The following MSH3 variants were observed in gnomAD, a reference collection of about 807,000 sequenced individuals.
MSH3 encodes mutS homolog 3.
MSH3 carries 106 observed loss-of-function variants against 123.3 expected under a neutral mutation model. The observed-to-expected ratio is 0.86, with a 90% CI of 0.73 to 1.01. MSH3 has a LOEUF of 1.01. Among genes scored for constraint, MSH3 ranks in the 50% least tolerant of loss-of-function variants. The pLI is 0.00. For missense variants in MSH3, 1,459 were observed against 1,347.6 expected, an observed-to-expected ratio of 1.08 and a Z score of -1.29; for synonymous variants, 515 against 481.4, an observed-to-expected ratio of 1.07 and a Z score of -0.91.
chr5:80,741,886 T>C (rs1743621547), intron 11 of MSH3, among the ~76,000 whole-genome samples: 1 of 152,194 alleles, frequency 6.6e-6, no homozygotes, highest in Non-Finnish European at 1.5e-5. Context: ...TATATTTTTC[T>C]ATACACCTTT....
At chr5:80,794,740 C>T (rs1437549636) in intron 19 of MSH3, among the ~76,000 whole-genome samples, 1 of 152,112 alleles carries the variant, frequency 6.6e-6, no homozygotes, top group East Asian at 1.9e-4. Flanking sequence ...TCTAAGATAA[C>T]AGCAAGATAT....
rs2112801662 is a variant in MSH3 at position 80,656,461 on chromosome 5, T to C, written c.288T>C (p.Pro96=). 1 of 1,614,192 alleles carries C rather than the reference T, an allele frequency of 6.2e-7. No homozygotes were observed. Among genetic ancestry groups the C allele is most frequent in the Non-Finnish European group, 8.5e-7 (1 of 1,180,028 alleles). The change falls in exon 2 of 24, where the codon CCT becomes CCC. Residue 96 remains proline (P), a synonymous_variant. Coordinates refer to ENST00000265081, the MANE Select transcript of MSH3 (RefSeq NM_002439.5). ...AGAGACCATTGGAAAATGATGGGCC[T>C]GTTAAAAAGAAAGTAAAGAAAGTCC... ...RKKRPLENDG[P]VKKKVKKVQQ...
intron 2 of MSH3, among the ~76,000 whole-genome samples, chr5:80,659,342 A>G (rs1337852266): frequency 6.6e-6 from 1 of 152,112 alleles, no homozygotes; most frequent in Non-Finnish European, 1.5e-5. Flanking sequence ...ATCAAAGTCA[A>G]TTTTAGAACA....
At chr5:80,837,290 G>A (rs245374) in intron 20 of MSH3, among the ~76,000 whole-genome samples, 107,111 of 152,120 alleles carry the variant, frequency 0.7, 37,727 homozygotes, top group South Asian at 0.8. Flanking sequence ...AGAATACTAG[G>A]GACAGGGGTC....
At chr5:80,668,801 C>T (rs146317223) in intron 3 of MSH3, among the ~76,000 whole-genome samples, 2 of 152,252 alleles carry the variant, frequency 1.3e-5, no homozygotes, top group South Asian at 4.1e-4. Flanking sequence ...TCCCAGCCCC[C>T]AAGAGCACAG....
Position 80,654,885 on chromosome 5 carries a change from C to T in MSH3, c.158C>T (p.Ala53Val). 2 of 851,894 alleles carry T rather than the reference C, an allele frequency of 2.3e-6. No homozygotes were observed. Among genetic ancestry groups the T allele is most frequent in the East Asian group, 2.7e-5 (1 of 36,558 alleles). The allele number at this position is 851,894 out of a possible 1,614,324, so 52.8% of individuals were successfully genotyped here. A position where few individuals can be genotyped will look rare whatever the true frequency, so the allele number is the denominator to read the frequency against. The change falls in exon 1 of 24, where the codon GCG becomes GTG. Residue 53 changes from alanine (A) to valine (V), a missense_variant. By Grantham distance (64) the Ala-to-Val change is moderately conservative. Coordinates refer to ENST00000265081, the MANE Select transcript of MSH3 (RefSeq NM_002439.5). ...GACCAGGTGGACCCTGGCGCTGCAG[C>T]GGCTGCAGCGGCCGCAGCGGCCGCA... Reference protein sequence around the residue: ...AADQVDPGAAAAAAAAAAAAP... With the variant: ...AADQVDPGAAVAAAAAAAAAP...
intron 11 of MSH3, among the ~76,000 whole-genome samples, chr5:80,744,194 T>C (rs1000453321): frequency 6.6e-6 from 1 of 152,216 alleles, no homozygotes; most frequent in Non-Finnish European, 1.5e-5. Context: ...TCTTCCTATG[T>C]TGTATTTCCC....
chr5:80,853,484 A>G (rs973858460), intron 20 of MSH3, among the ~76,000 whole-genome samples: 1 of 152,162 alleles, frequency 6.6e-6, no homozygotes, highest in Admixed American at 6.5e-5. Flanking sequence ...CAAAAAAAAA[A>G]AAGCACAATA....
chr5:80,771,780 T>C (rs1452984848), intron 15 of MSH3, among the ~76,000 whole-genome samples: 2 of 152,184 alleles, frequency 1.3e-5, no homozygotes, highest in African/African-American at 4.8e-5. Context: ...GTAAATCCAG[T>C]GTTATTTTGA....
rs6151779 is a variant in MSH3 at position 80,759,133 on chromosome 5, G to A, written c.1764-2413G>A. 5.8e-4 allele frequency among the ~76,000 whole-genome samples: 88 copies of A among 152,216 alleles called. 1 individual carries two copies. The highest frequency in any genetic ancestry group is 2.1e-3 in the African/African-American group (87 of 41,528). ...AAATTGAATCGAATAACTGTTTATT[G>A]AGCACAAATTGTTATCCTGAAATGT... On this transcript the variant is annotated intron_variant, in intron 12 of 23. Coordinates refer to ENST00000265081, the MANE Select transcript of MSH3 (RefSeq NM_002439.5).
intron 12 of MSH3, among the ~76,000 whole-genome samples, chr5:80,745,801 AT>A (rs1342826241): frequency 6.6e-6 from 1 of 152,182 alleles, no homozygotes; most frequent in African/African-American, 2.4e-5. Context: ...CTTTATGAGC[AT>A]TGTCTCTTTT....
chr5:80,708,425 G>C (rs1164614351), intron 8 of MSH3, among the ~76,000 whole-genome samples: 3 of 151,786 alleles, frequency 2.0e-5, no homozygotes, highest in African/African-American at 7.3e-5. Flanking sequence ...GATGCCAAAG[G>C]CTTCATTTTG....
chr5:80,766,490 G>A (rs1369553771), intron 13 of MSH3, among the ~76,000 whole-genome samples: 1 of 151,674 alleles, frequency 6.6e-6, no homozygotes, highest in African/African-American at 2.4e-5. Flanking sequence ...GATCACAGGC[G>A]AGCGCCACCA....
intron 23 of MSH3, among the ~76,000 whole-genome samples, chr5:80,873,915 A>G (rs1360030751): frequency 2.0e-5 from 3 of 152,204 alleles, no homozygotes; most frequent in African/African-American, 4.8e-5. Flanking sequence ...CTAGAAAAAT[A>G]TCATATTAGT....
At chr5:80,848,682 T>C (rs931586289) in intron 20 of MSH3, among the ~76,000 whole-genome samples, 1 of 152,166 alleles carries the variant, frequency 6.6e-6, no homozygotes, top group African/African-American at 2.4e-5. Context: ...TTCACTGTCA[T>C]GAGAACAGCA....
intron 1 of MSH3, 139 bp from the exon 2 acceptor site, chr5:80,656,272 A>G: frequency 8.7e-7 from 1 of 1,144,286 alleles, no homozygotes; most frequent in African/African-American, 1.5e-5. Flanking sequence ...AGGGTTTTCC[A>G]GAGCTAAAAG....
intron 8 of MSH3, among the ~76,000 whole-genome samples, chr5:80,703,749 T>C (rs1229545148): frequency 6.6e-6 from 1 of 152,158 alleles, no homozygotes; most frequent in Non-Finnish European, 1.5e-5. Flanking sequence ...TGTTATCCTG[T>C]ATACTAAAGT....
intron 16 of MSH3, among the ~76,000 whole-genome samples, chr5:80,778,052 G>A (rs1165852056): frequency 1.3e-5 from 2 of 152,200 alleles, no homozygotes; most frequent in Non-Finnish European, 2.9e-5. Context: ...TAAGTAAGTG[G>A]CAGGACTGGA....
intron 21 of MSH3, among the ~76,000 whole-genome samples, chr5:80,856,921 G>A (rs1219348686): frequency 6.6e-6 from 1 of 151,952 alleles, no homozygotes; most frequent in Non-Finnish European, 1.5e-5. Context: ...GCAGTAACTA[G>A]GACTTTCAGT....
Sources: allele counts gnomAD v4.1 joint callset (sites outside exome capture counted in the v4.1 genomes callset), GRCh38; gene constraint gnomAD v4.1.1; transcripts MANE v1.5; gene names NCBI Gene and HGNC (gene_info 2026-07-23, HGNC 2026-07-21).